The following PCDHGB1 variants were observed in gnomAD, a reference collection of about 807,000 sequenced individuals.
PCDHGB1 encodes the protein protocadherin gamma-B1.
PCDHGB1 carries 34 observed loss-of-function variants against 56.6 expected under a neutral mutation model. The ratio of observed to expected loss-of-function variants is 0.60; its 90% CI spans 0.46 to 0.80. The LOEUF (loss-of-function observed/expected upper bound fraction) is 0.80, where lower values mean the gene tolerates loss of function less well. Among genes scored for constraint, PCDHGB1 ranks in the 30% least tolerant of loss-of-function variants. The probability of loss-of-function intolerance (pLI) is 0.00; values close to 1 mark genes in which losing one functional copy is unlikely to be tolerated. For synonymous variants in PCDHGB1, 561 were observed against 505.9 expected, an observed-to-expected ratio of 1.11 and a Z score of -1.46; for missense variants, 1,278 against 1,204.6, an observed-to-expected ratio of 1.06 and a Z score of -0.90.
At position 141,490,448 on chromosome 5, in the gene PCDHGB1, A is replaced by C. The variant is rs1309104827; in HGVS notation, c.2410-4359A>C. 1 of 1,614,206 alleles carries C rather than the reference A, an allele frequency of 6.2e-7. No homozygotes were observed. Among genetic ancestry groups the C allele is most frequent in the Admixed American group, 1.7e-5 (1 of 60,030 alleles). ...TTTCAGATTAAGCCTTCTGAGAACC[A>C]CTACTCGCTGCTAACCAGCCAGCCT... is the stretch of plus-strand genomic sequence containing the variant. On this transcript the variant is annotated intron_variant, in intron 1 of 3. Coordinates refer to ENST00000523390, the MANE Select transcript of PCDHGB1 (RefSeq NM_018922.3). This position sits in a 1 kb window ranked among gnomAD's most constrained non-coding sequence, Gnocchi z 5.4.
At chr5:141,394,689 G>A (rs1354749268) in intron 1 of PCDHGB1, 4 of 1,612,344 alleles carry the variant, frequency 2.5e-6, no homozygotes, top group Non-Finnish European at 3.4e-6. Flanking sequence ...CACGGGCGAG[G>A]TGCGCACGGC....
Position 141,429,458 on chromosome 5 carries a change from T to C in PCDHGB1, c.2410-65349T>C, listed in dbSNP as rs561407449. 1.6e-4 allele frequency among the ~76,000 whole-genome samples: 25 copies of C among 152,210 alleles called. 1 individual carries two copies. The South Asian group carries it at 4.6e-3, about 28-fold the overall frequency. ...TCAAACTCTTGGGCTACAGTAATCC[T>C]CCCACCTCAATCTCCAGAGTAGCTG... On this transcript the variant is annotated intron_variant, in intron 1 of 3. Transcript: ENST00000523390.
At chr5:141,507,815 C>G (rs936926937) in intron 3 of PCDHGB1, among the ~76,000 whole-genome samples, 2 of 152,204 alleles carry the variant, frequency 1.3e-5, no homozygotes, top group African/African-American at 4.8e-5. Context: ...GGAACGGACC[C>G]TGGGGGTGGA....
rs1193417991 is a variant in PCDHGB1 at position 141,491,413 on chromosome 5, G to T, written c.2410-3394G>T. The T allele has an allele frequency of 6.2e-7, 1 of 1,614,064 alleles. No individual in the cohort carries two copies. Among genetic ancestry groups the T allele is most frequent in the South Asian group, 1.1e-5 (1 of 91,074 alleles). ...CCTTCAGGGAAACGCAGACGGGGAC[G>T]GGGGTGGAGGGCAGTGCTGCAGGCG... On this transcript the variant is annotated intron_variant, in intron 1 of 3. Transcript: ENST00000523390. This position sits in a 1 kb window ranked among gnomAD's most constrained non-coding sequence, Gnocchi z 6.9.
chr5:141,429,547 A>C (rs2097222392), intron 1 of PCDHGB1, among the ~76,000 whole-genome samples: 1 of 152,196 alleles, frequency 6.6e-6, no homozygotes, highest in Non-Finnish European at 1.5e-5. Flanking sequence ...AGAACATGGT[A>C]ATGATTTGAT....
chr5:141,500,394 A>G (rs1024641290), intron 2 of PCDHGB1, among the ~76,000 whole-genome samples: 1 of 151,922 alleles, frequency 6.6e-6, no homozygotes, highest in Non-Finnish European at 1.5e-5. Flanking sequence ...TATTTTTAGT[A>G]GAGACGGGGT....
chr5:141,426,646 T>C (rs764903298), intron 1 of PCDHGB1: 1 of 416,448 alleles, frequency 2.4e-6, no homozygotes, highest in South Asian at 1.7e-5. Flanking sequence ...ATAAATGTGA[T>C]GATAGAAGAT....
intron 1 of PCDHGB1, chr5:141,418,770 A>G: frequency 6.2e-7 from 1 of 1,613,892 alleles, no homozygotes; most frequent in Non-Finnish European, 8.5e-7. Context: ...ATTCTAACTC[A>G]GCAGCCTTTG....
intron 1 of PCDHGB1, chr5:141,360,807 C>A: frequency 1.2e-6 from 2 of 1,613,914 alleles, no homozygotes; most frequent in Non-Finnish European, 8.5e-7. Flanking sequence ...CTCAAAGTGG[C>A]ACGACCCAAA....
intron 1 of PCDHGB1, chr5:141,414,350 C>G (rs1450829111): frequency 6.2e-7 from 1 of 1,613,726 alleles, no homozygotes; most frequent in East Asian, 2.2e-5. Context: ...TCCATTTTGG[C>G]GTATCTACCA....
In PCDHGB1 at chr5:141,407,971, G is replaced by C. The variant is rs1399304138; in HGVS notation, c.2409+55302G>C. The C allele has an allele frequency of 7.0e-5, 50 of 717,762 alleles. No homozygotes were observed. In the South Asian group the frequency reaches 1.2e-3, roughly 17 times the overall value. 44.5% of individuals were successfully genotyped at this position (717,762 alleles called of 1,614,324 possible). On this transcript the variant is annotated intron_variant, in intron 1 of 3. Coordinates refer to ENST00000523390, the MANE Select transcript of PCDHGB1 (RefSeq NM_018922.3). The stretch of plus-strand genomic sequence containing the variant: ...CGGCCAGTGCAGAGCAAGCGCTGAC[G>C]CCGGGGATCCGTCAGCCTCTGGCCT...
At chr5:141,437,668 G>A (rs72790049) in intron 1 of PCDHGB1, among the ~76,000 whole-genome samples, 16,651 of 151,822 alleles carry the variant, frequency 0.11, 1,007 homozygotes, top group African/African-American at 0.17. Context: ...TCGAAGAGAT[G>A]TTGATCAAAC....
At chr5:141,395,633 G>T (rs1448678453) in intron 1 of PCDHGB1, 1 of 179,296 alleles carries the variant, frequency 5.6e-6, no homozygotes, top group African/African-American at 2.4e-5. Context: ...GAAGTCTAAA[G>T]CCTTGTTATT....
Position 141,395,219 on chromosome 5 carries a change from T to G in PCDHGB1, c.2409+42550T>G, listed in dbSNP as rs1303078300. On this transcript the variant is annotated intron_variant, in intron 1 of 3. Coordinates refer to ENST00000523390, the MANE Select transcript of PCDHGB1 (RefSeq NM_018922.3). Reference sequence around the variant, plus strand: ...CCGTAGATTTTCATGAATATAAGAATGAAGCTGATCATGGTCAGGTGAGTT... The same window carrying G: ...CCGTAGATTTTCATGAATATAAGAAGGAAGCTGATCATGGTCAGGTGAGTT... 3.7e-6 allele frequency: 6 copies of G among 1,611,924 alleles called. No individual in the cohort carries two copies. In the African/African-American group the frequency reaches 4.0e-5, roughly 11 times the overall value.
intron 1 of PCDHGB1, chr5:141,403,391 G>C (rs1182066905): frequency 6.2e-7 from 1 of 1,614,046 alleles, no homozygotes; most frequent in East Asian, 2.2e-5. Flanking sequence ...CGAAATCGCG[G>C]TTCCTGGAGC....
In PCDHGB1 at chr5:141,352,333, C is replaced by T; in HGVS notation, c.2073C>T (p.Ala691=). The part of the protein sequence containing the change: ...QTELQFYLVV[A]LALISVLFLL... ...AACTGCAGTTTTACCTGGTTGTGGC[C>T]TTGGCCTTGATCTCAGTGCTCTTTC... The change falls in exon 1 of 4, where the codon GCC becomes GCT. Residue 691 remains alanine (A), a synonymous_variant. Coordinates refer to ENST00000523390, the MANE Select transcript of PCDHGB1 (RefSeq NM_018922.3). 1 of 1,614,084 alleles carries T rather than the reference C, an allele frequency of 6.2e-7. No individual in the cohort carries two copies. The highest frequency in any genetic ancestry group is 8.5e-7 in the Non-Finnish European group (1 of 1,179,910).
At chr5:141,474,062 C>A (rs745636246) in intron 1 of PCDHGB1, among the ~76,000 whole-genome samples, 2 of 152,104 alleles carry the variant, frequency 1.3e-5, no homozygotes, top group Non-Finnish European at 2.9e-5. Context: ...AGAGCGAGAT[C>A]CTGCCTCAGA....
chr5:141,356,492 C>G, intron 1 of PCDHGB1: 4 of 1,613,984 alleles, frequency 2.5e-6, no homozygotes, highest in Non-Finnish European at 3.4e-6. Flanking sequence ...GGAACTCCTC[C>G]ACTGTCTACA....
chr5:141,501,618 T>G (rs1307485559), intron 2 of PCDHGB1, among the ~76,000 whole-genome samples: 2 of 152,068 alleles, frequency 1.3e-5, no homozygotes, highest in African/African-American at 4.8e-5. Flanking sequence ...GTGACTCTGG[T>G]ATAGTCTCTC....
Sources: allele counts gnomAD v4.1 joint callset (sites outside exome capture counted in the v4.1 genomes callset), GRCh38; gene constraint gnomAD v4.1.1; non-coding constraint Gnocchi (gnomAD v3.1); transcripts MANE v1.5; gene names NCBI Gene and HGNC (gene_info 2026-07-23, HGNC 2026-07-21).